PDLIM3: variants seen among roughly 807,000 people sequenced by gnomAD.
The protein encoded by PDLIM3 is PDZ and LIM domain 3.
In PDLIM3, 36 loss-of-function variants were observed where a neutral mutation model predicts 37.3. The ratio of observed to expected loss-of-function variants is 0.97; its 90% CI spans 0.74 to 1.28. PDLIM3 has a LOEUF of 1.28. Among genes scored for constraint, PDLIM3 ranks in the 50% most tolerant of loss-of-function variants. The pLI, the probability that PDLIM3 is intolerant of heterozygous loss-of-function variation, is 0.00. For missense variants in PDLIM3, 454 were observed against 485.0 expected (o/e 0.94, Z 0.60); for synonymous variants, 174 against 182.4 (o/e 0.95, Z 0.37).
intron 2 of PDLIM3, among the ~76,000 whole-genome samples, 177 bp from the exon 3 acceptor site, chr4:185,523,623 CCT>C (rs1561200899): frequency 6.6e-6 from 1 of 151,052 alleles, no homozygotes; most frequent in African/African-American, 2.4e-5. Flanking sequence ...CTTCCCCCCC[CCT>C]TTTTTTTTCT....
intron 4 of PDLIM3, among the ~76,000 whole-genome samples, chr4:185,511,621 A>G (rs1363132256): frequency 1.3e-5 from 2 of 152,190 alleles, no homozygotes; most frequent in Admixed American, 6.5e-5. Context: ...TGGGCCTCCC[A>G]AAGTTCTGGG....
In PDLIM3 at chr4:185,504,356, A is replaced by T; in HGVS notation, c.905+119T>A. On this transcript the variant is annotated intron_variant, in intron 7 of 7. Coordinates refer to ENST00000284767, the MANE Select transcript of PDLIM3 (RefSeq NM_014476.6). The surrounding 1 kb of genome is among the most constrained non-coding windows in gnomAD (Gnocchi z 4.7). ...CTAAATGTTGGGGACCTTACGTTTC[A>T]AGTTGATGAATAGAAATTTGGTTTT... 1 of 779,530 alleles carries T rather than the reference A, an allele frequency of 1.3e-6. No individual in the cohort carries two copies. The highest frequency in any genetic ancestry group is 2.2e-6 in the Non-Finnish European group (1 of 455,820). 48.3% of individuals were successfully genotyped at this position (779,530 alleles called of 1,614,324 possible).
At chr4:185,511,824 C>G (rs898741910) in intron 4 of PDLIM3, among the ~76,000 whole-genome samples, 1 of 152,088 alleles carries the variant, frequency 6.6e-6, no homozygotes, top group Non-Finnish European at 1.5e-5. Flanking sequence ...GATGGATACC[C>G]CCAATTACCC....
At position 185,508,566 on chromosome 4, in the gene PDLIM3, T is replaced by C. The variant is rs187859259; in HGVS notation, c.399-4A>G. ...CCCGGAGGGAGTGCTGCATCCACTG[T>C]GTTAATGGATACACGTTACACAGAG... On this transcript the variant is annotated splice_region_variant and splice_polypyrimidine_tract_variant and intron_variant, in intron 4 of 7. Transcript: ENST00000284767. 5.5e-5 allele frequency: 89 copies of C among 1,613,694 alleles called. No individual in the cohort carries two copies. The East Asian group carries it at 1.9e-3, about 35-fold the overall frequency.
intron 3 of PDLIM3, among the ~76,000 whole-genome samples, chr4:185,522,323 G>A (rs2095724340): frequency 1.5e-5 from 1 of 65,970 alleles, no homozygotes; most frequent in African/African-American, 2.8e-5. Context: ...ATAACTCAAT[G>A]TGCCAACTTC....
Position 185,535,497 on chromosome 4 carries a change from G to C in PDLIM3, c.-63C>G, listed in dbSNP as rs1174388050. ...CGCGCAGGGCAGCCACTCCGCGCCGGGCGGCGTCCTGGCCCCGACCCGGGC... is the reference window on the plus strand; with the variant it reads ...CGCGCAGGGCAGCCACTCCGCGCCGCGCGGCGTCCTGGCCCCGACCCGGGC... On this transcript the variant is annotated 5_prime_UTR_variant, in exon 1 of 8. Transcript: ENST00000284767. 1 of 1,435,522 alleles carries C rather than the reference G, an allele frequency of 7.0e-7. No homozygotes were observed. The highest frequency in any genetic ancestry group is 2.1e-5 in the Admixed American group (1 of 48,336). The allele number at this position is 1,435,522 out of a possible 1,614,324, so 88.9% of individuals were successfully genotyped here. A position where few individuals can be genotyped will look rare whatever the true frequency, so the allele number is the denominator to read the frequency against.
At chr4:185,513,036 AGCATTTATTGG>A (rs2095709079) in intron 4 of PDLIM3, 2 of 985,188 alleles carry the variant, frequency 2.0e-6, no homozygotes, top group African/African-American at 3.5e-5. Flanking sequence ...TTATCCAGTG[AGCATTTATTGG>A]GCATTTATTT....
chr4:185,506,823 A>T (rs1240953761), intron 5 of PDLIM3, 171 bp from the exon 6 acceptor site: 2 of 609,824 alleles, frequency 3.3e-6, no homozygotes, highest in African/African-American at 3.7e-5. Context: ...TGTGAATTCA[A>T]ATGGCTGCCT....
chr4:185,527,787 T>G (rs1442102791), intron 1 of PDLIM3, among the ~76,000 whole-genome samples: 1 of 152,236 alleles, frequency 6.6e-6, no homozygotes, highest in Non-Finnish European at 1.5e-5. Flanking sequence ...TGATGCCTCA[T>G]GCCTGTAATC....
At position 185,504,223 on chromosome 4, in the gene PDLIM3, G is replaced by T. The variant is rs957298618; in HGVS notation, c.905+252C>A. Among the ~76,000 whole-genome samples, 1 of 151,974 alleles carries T rather than the reference G, an allele frequency of 6.6e-6. No individual in the cohort carries two copies. Among genetic ancestry groups the T allele is most frequent in the Admixed American group, 6.6e-5 (1 of 15,262 alleles). On this transcript the variant is annotated intron_variant, in intron 7 of 7. Transcript: ENST00000284767. This position sits in a 1 kb window ranked among gnomAD's most constrained non-coding sequence, Gnocchi z 4.7. ...ACGTGACTTTTCAACATACATTTGG[G>T]CATCTTTTTTTTTTCATGAGAATCT...
At chr4:185,515,582 A>G (rs933679798) in intron 3 of PDLIM3, 2 of 152,200 alleles carry the variant, frequency 1.3e-5, no homozygotes, top group Admixed American at 6.5e-5. Flanking sequence ...AGACCTCTTC[A>G]TGTTTACTCT....
Position 185,527,499 on chromosome 4 carries a change from A to C in PDLIM3, c.94-2328T>G, listed in dbSNP as rs185699981. Among the ~76,000 whole-genome samples, 106 of 152,312 alleles carry C rather than the reference A, an allele frequency of 7.0e-4. 1 individual carries two copies. Among genetic ancestry groups the C allele is most frequent in the Admixed American group, 2.5e-3 (38 of 15,304 alleles). On this transcript the variant is annotated intron_variant, in intron 1 of 7. Coordinates refer to ENST00000284767, the MANE Select transcript of PDLIM3 (RefSeq NM_014476.6). ...TCACCTCACTGTAGCTATCACAATG[A>C]TTTCCCAGTAGGAACAGTTAATAGA...
Position 185,508,574 on chromosome 4 carries a change from G to C in PDLIM3, c.399-12C>G. On this transcript the variant is annotated splice_polypyrimidine_tract_variant and intron_variant, in intron 4 of 7. Transcript: ENST00000284767. The stretch of plus-strand genomic sequence containing the variant: ...GAGTGCTGCATCCACTGTGTTAATG[G>C]ATACACGTTACACAGAGATGGCACC... 1 of 1,613,568 alleles carries C rather than the reference G, an allele frequency of 6.2e-7. No homozygotes were observed. Among genetic ancestry groups the C allele is most frequent in the African/African-American group, 1.3e-5 (1 of 75,022 alleles).
Position 185,520,433 on chromosome 4 carries a change from CT to C in PDLIM3, c.330+2928del, listed in dbSNP as rs371439089. On this transcript the variant is annotated intron_variant, in intron 3 of 7. Transcript: ENST00000284767. ...CTATAGCCCTTAACCTAATCTCAACCTTTAAAAAAAAAACAATTTAATCTCC... is the reference window on the plus strand; with the variant it reads ...CTATAGCCCTTAACCTAATCTCAACCTTAAAAAAAAAACAATTTAATCTCC... Among the ~76,000 whole-genome samples the C allele has an allele frequency of 7.1e-3, 773 of 109,030 alleles. 7 individuals are homozygous for C. Among genetic ancestry groups the C allele is most frequent in the African/African-American group, 0.019 (736 of 38,348 alleles). 71.5% of individuals were successfully genotyped at this position (109,030 alleles called of 152,430 possible).
In PDLIM3 at chr4:185,514,514, G is replaced by A. The variant is rs2095711692; in HGVS notation, c.331-177C>T. ...CTTTCCAACCATCTATCCGCTAAAC[G>A]GTCAGGCACTGGCGGATTGGACCCC... is the stretch of plus-strand genomic sequence containing the variant. On this transcript the variant is annotated intron_variant, in intron 3 of 7. Transcript: ENST00000284767. This position sits in a 1 kb window ranked among gnomAD's most constrained non-coding sequence, Gnocchi z 4.0. 2.2e-6 allele frequency: 3 copies of A among 1,380,264 alleles called. No homozygotes were observed. Among genetic ancestry groups the A allele is most frequent in the Non-Finnish European group, 3.0e-6 (3 of 998,368 alleles). 85.5% of individuals were successfully genotyped at this position (1,380,264 alleles called of 1,614,324 possible).
intron 4 of PDLIM3, chr4:185,512,752 A>G: frequency 2.0e-6 from 2 of 983,096 alleles, no homozygotes; most frequent in Non-Finnish European, 2.4e-6. Context: ...TAATTTTACT[A>G]TGCTTCTTTG....
intron 3 of PDLIM3, chr4:185,516,979 C>G (rs1561197595): frequency 6.6e-6 from 1 of 152,196 alleles, no homozygotes; most frequent in East Asian, 1.9e-4. Context: ...ATTATTGTAG[C>G]TGCTCTTAGG....
At position 185,514,755 on chromosome 4, in the gene PDLIM3, G is replaced by A; in HGVS notation, c.331-418C>T. ...CGCAGCTGTCCGTGAAGCGCATCTTGTATATTGCTAGTTGAATAGAGCCCA... is the reference window on the plus strand; with the variant it reads ...CGCAGCTGTCCGTGAAGCGCATCTTATATATTGCTAGTTGAATAGAGCCCA... On this transcript the variant is annotated intron_variant, in intron 3 of 7. Transcript: ENST00000284767. The surrounding 1 kb of genome is among the most constrained non-coding windows in gnomAD (Gnocchi z 4.0). The A allele has an allele frequency of 3.9e-6, 6 of 1,552,110 alleles. No homozygotes were observed. The highest frequency in any genetic ancestry group is 5.2e-6 in the Non-Finnish European group (6 of 1,147,062).
Position 185,514,968 on chromosome 4 carries a change from A to AC in PDLIM3, c.331-632dup, listed in dbSNP as rs993637068. 3.5e-6 allele frequency: 4 copies of AC among 1,155,560 alleles called. No individual in the cohort carries two copies. The African/African-American group carries it at 4.7e-5, about 13-fold the overall frequency. The allele number at this position is 1,155,560 out of a possible 1,614,324, so 71.6% of individuals were successfully genotyped here. On this transcript the variant is annotated intron_variant, in intron 3 of 7. Coordinates refer to ENST00000284767, the MANE Select transcript of PDLIM3 (RefSeq NM_014476.6). This position sits in a 1 kb window ranked among gnomAD's most constrained non-coding sequence, Gnocchi z 4.0. The stretch of plus-strand genomic sequence containing the variant: ...AGTGAGCGAAACCAACAGCATCACT[A>AC]CTGTTAATAAAGGCATCTTTACCCA...
Sources: gnomAD v4.1 joint callset for allele counts (sites outside exome capture counted in the v4.1 genomes callset) on GRCh38, gnomAD v4.1.1 for gene constraint, Gnocchi (gnomAD v3.1) non-coding constraint, MANE v1.5 for transcripts, NCBI Gene and HGNC (gene_info 2026-07-23, HGNC 2026-07-21) for gene names.